Variants in RAB27B observed in about 807,000 individuals in gnomAD.
The protein encoded by RAB27B is RAB27B, member RAS oncogene family.
RAB27B carries 15 observed loss-of-function variants against 24.6 expected under a neutral mutation model. That is an observed-to-expected ratio of 0.61 (90% CI 0.41 to 0.94). The LOEUF (loss-of-function observed/expected upper bound fraction) is 0.94. Among genes scored for constraint, RAB27B ranks in the 40% least tolerant of loss-of-function variants. The pLI, the probability that RAB27B is intolerant of heterozygous loss-of-function variation, is 0.00. For missense variants in RAB27B, 261 were observed against 266.8 expected, an observed-to-expected ratio of 0.98 and a Z score of 0.15; for synonymous variants, 105 against 92.5, an observed-to-expected ratio of 1.14 and a Z score of -0.78.
intron 5 of RAB27B, among the ~76,000 whole-genome samples, chr18:54,888,535 T>C (rs1050255658): frequency 1.5e-4 from 23 of 151,928 alleles, no homozygotes; most frequent in Admixed American, 1.5e-3. Context: ...TCTCAATCAA[T>C]AGATGTAAAA....
chr18:54,792,236 G>C (rs1360204570), intron 2 of RAB27B, among the ~76,000 whole-genome samples: 3 of 152,182 alleles, frequency 2.0e-5, no homozygotes, highest in Non-Finnish European at 4.4e-5. Context: ...CTGCCTGTCT[G>C]TGTGCTCCCC....
chr18:54,846,589 G>C (rs949620403), intron 1 of RAB27B, among the ~76,000 whole-genome samples: 2 of 152,174 alleles, frequency 1.3e-5, no homozygotes, highest in Non-Finnish European at 2.9e-5. Flanking sequence ...TTGAACCAGA[G>C]AACCTTTGAT....
chr18:54,804,116 A>G (rs1286780836), intron 2 of RAB27B, among the ~76,000 whole-genome samples: 4 of 152,170 alleles, frequency 2.6e-5, no homozygotes, highest in Admixed American at 2.0e-4. Flanking sequence ...GTCTTATTGT[A>G]TCAGAATCTA....
intron 2 of RAB27B, among the ~76,000 whole-genome samples, chr18:54,819,087 T>C (rs185377310): frequency 3.8e-4 from 57 of 150,740 alleles, no homozygotes; most frequent in Non-Finnish European, 6.9e-4. Flanking sequence ...TCAGAAGGAA[T>C]TGTATGGCCG....
chr18:54,727,505 G>A (rs1909576067), intron 2 of RAB27B, among the ~76,000 whole-genome samples: 1 of 152,152 alleles, frequency 6.6e-6, no homozygotes, highest in East Asian at 1.9e-4. Flanking sequence ...TACTTTTCAA[G>A]AGCTTCAGTT....
intron 2 of RAB27B, among the ~76,000 whole-genome samples, chr18:54,773,586 A>G (rs1234120982): frequency 1.3e-5 from 2 of 152,206 alleles, no homozygotes; most frequent in African/African-American, 4.8e-5. Flanking sequence ...GGTGTTATAG[A>G]TACACACGAA....
chr18:54,804,508 G>A (rs1909707294), intron 2 of RAB27B, among the ~76,000 whole-genome samples: 1 of 152,188 alleles, frequency 6.6e-6, no homozygotes, highest in Non-Finnish European at 1.5e-5. Context: ...GGAACTGTAA[G>A]TCCAATTAAA....
chr18:54,878,122 G>T (rs989483379), intron 2 of RAB27B, among the ~76,000 whole-genome samples: 1 of 152,150 alleles, frequency 6.6e-6, no homozygotes, highest in Admixed American at 6.6e-5. Context: ...TCTTAAGAAA[G>T]AAGTTAAAAG....
chr18:54,814,956 T>A (rs1343281314), intron 2 of RAB27B, among the ~76,000 whole-genome samples: 2 of 152,162 alleles, frequency 1.3e-5, no homozygotes, highest in Non-Finnish European at 2.9e-5. Context: ...GTTTTTCTCA[T>A]CCTTTATTTC....
intron 2 of RAB27B, among the ~76,000 whole-genome samples, chr18:54,762,331 A>G (rs1908216774): frequency 6.6e-6 from 1 of 152,190 alleles, no homozygotes; most frequent in Non-Finnish European, 1.5e-5. Flanking sequence ...CTGGGATTAC[A>G]GAAGTGTGCC....
chr18:54,845,710 C>T (rs1016439003), intron 1 of RAB27B, among the ~76,000 whole-genome samples: 12 of 152,222 alleles, frequency 7.9e-5, no homozygotes, highest in South Asian at 2.1e-4. Context: ...AGTTCCATTC[C>T]CACAGAACAG....
intron 2 of RAB27B, among the ~76,000 whole-genome samples, chr18:54,813,537 C>G (rs1910032523): frequency 6.6e-6 from 1 of 152,198 alleles, no homozygotes; most frequent in African/African-American, 2.4e-5. Flanking sequence ...CCTCTGCCCT[C>G]TGTCTTGCTT....
At chr18:54,889,074 C>A (rs1185571784) in intron 5 of RAB27B, 150 bp from the exon 6 acceptor site, 6 of 687,488 alleles carry the variant, frequency 8.7e-6, no homozygotes, top group African/African-American at 5.6e-5. Flanking sequence ...GAGGAAAAAA[C>A]AAGGATGCTT....
chr18:54,857,787 A>G lies in RAB27B; in HGVS notation c.-19-19780A>G, dbSNP rs187931030. ...ATCCTCTATAATCCATAAACCTGAT[A>G]TAGCCCAGTAAATGCAGTTATGCTT... is the stretch of plus-strand genomic sequence containing the variant. On this transcript the variant is annotated intron_variant, in intron 1 of 5. Transcript: ENST00000262094. Among the ~76,000 whole-genome samples, 146 of 152,362 alleles carry G rather than the reference A, an allele frequency of 9.6e-4. 2 individuals carry two copies. The highest frequency in any genetic ancestry group is 3.4e-3 in the African/African-American group (143 of 41,590).
chr18:54,722,791 T>C (rs188181898), intron 2 of RAB27B, among the ~76,000 whole-genome samples: 1 of 152,262 alleles, frequency 6.6e-6, no homozygotes, highest in East Asian at 1.9e-4. Flanking sequence ...ATTGCTATGG[T>C]GTGATTTTAA....
chr18:54,804,519 C>T (rs531005312), intron 2 of RAB27B, among the ~76,000 whole-genome samples: 1 of 152,288 alleles, frequency 6.6e-6, no homozygotes, highest in South Asian at 2.1e-4. Context: ...TCCAATTAAA[C>T]CTCTTTTTCT....
chr18:54,845,698 C>T (rs1287307616), intron 1 of RAB27B, among the ~76,000 whole-genome samples: 1 of 152,112 alleles, frequency 6.6e-6, no homozygotes, highest in African/African-American at 2.4e-5. Context: ...GTACTTTTCA[C>T]CAGTTCCATT....
chr18:54,816,468 A>G (rs1910125488), intron 2 of RAB27B, among the ~76,000 whole-genome samples: 1 of 152,226 alleles, frequency 6.6e-6, no homozygotes, highest in Non-Finnish European at 1.5e-5. Context: ...ATTTGGAGCT[A>G]TATGTTTAAA....
chr18:54,867,533 G>T (rs372073080), intron 1 of RAB27B, among the ~76,000 whole-genome samples: 1 of 140,618 alleles, frequency 7.1e-6, no homozygotes, highest in African/African-American at 2.6e-5. Flanking sequence ...TGCAACTTCC[G>T]CCTCTTGGGT....
Sources: allele counts gnomAD v4.1 joint callset (sites outside exome capture counted in the v4.1 genomes callset), GRCh38; gene constraint gnomAD v4.1.1; transcripts MANE v1.5; gene names NCBI Gene and HGNC (gene_info 2026-07-23, HGNC 2026-07-21).